Variants in ARPP21 observed in about 807,000 individuals in gnomAD.
ARPP21 encodes the protein cAMP-regulated phosphoprotein 21.
A neutral mutation model predicts 113.2 loss-of-function variants in ARPP21; 69 were observed. The ratio of observed to expected loss-of-function variants is 0.61; its 90% CI spans 0.50 to 0.74. ARPP21 has a LOEUF of 0.74. Among genes scored for constraint, ARPP21 ranks in the 30% least tolerant of loss-of-function variants. ARPP21 has a pLI of 0.00. For synonymous variants in ARPP21, 368 were observed against 375.5 expected (o/e 0.98, Z 0.23); for missense variants, 1,070 against 1,037.4 (o/e 1.03, Z -0.43).
chr3:35,701,012 G>A (rs2086160679), intron 9 of ARPP21, among the ~76,000 whole-genome samples: 1 of 151,604 alleles, frequency 6.6e-6, no homozygotes, highest in Non-Finnish European at 1.5e-5. Flanking sequence ...GTACCCTAGA[G>A]TTTTTGAAAA....
chr3:35,748,412 GAGAA>G (rs1401788114), intron 19 of ARPP21, among the ~76,000 whole-genome samples: 3 of 140,702 alleles, frequency 2.1e-5, no homozygotes, highest in South Asian at 2.3e-4. Context: ...AGAAAGGAGA[GAGAA>G]AGAAAAGAGA....
Position 35,667,885 on chromosome 3 carries a change from A to AGAAGAAGAAGAAGAGGAAGAG in ARPP21, c.-212-11897_-212-11896insAGAAGAAGAGGAAGAGGAAGA, listed in dbSNP as rs777434867. 7.0e-4 allele frequency among the ~76,000 whole-genome samples: 68 copies of AGAAGAAGAAGAAGAGGAAGAG among 97,692 alleles called. 6 individuals are homozygous for AGAAGAAGAAGAAGAGGAAGAG. The highest frequency in any genetic ancestry group is 5.0e-3 in the Admixed American group (46 of 9,222). 64.1% of individuals were successfully genotyped at this position (97,692 alleles called of 152,430 possible). ...AAGAAGAAGAAGAAGAAGAAGAAGA[A>AGAAGAAGAAGAAGAGGAAGAG]GAAGAGGAAGAGGAAGAGGAAGAGG... is the stretch of plus-strand genomic sequence containing the variant. On this transcript the variant is annotated intron_variant, in intron 1 of 20. Coordinates refer to ENST00000684406, the MANE Select transcript of ARPP21 (RefSeq NM_001385562.1).
chr3:35,748,722 A>G (rs1376070852), intron 19 of ARPP21, among the ~76,000 whole-genome samples: 1 of 152,186 alleles, frequency 6.6e-6, no homozygotes, highest in Non-Finnish European at 1.5e-5. Flanking sequence ...GTTAGCTCTC[A>G]TGCCATTTTT....
intron 12 of ARPP21, 123 bp downstream of exon 12, chr3:35,715,599 A>G: frequency 2.7e-6 from 2 of 739,312 alleles, no homozygotes; most frequent in Non-Finnish European, 4.6e-6. Flanking sequence ...GCAGATACAT[A>G]TATCTATGCG....
At chr3:35,751,891 A>G (rs975037457) in intron 19 of ARPP21, among the ~76,000 whole-genome samples, 1 of 152,102 alleles carries the variant, frequency 6.6e-6, no homozygotes, top group African/African-American at 2.4e-5. Context: ...AAACCATCTA[A>G]TACCTGCAAG....
intron 5 of ARPP21, among the ~76,000 whole-genome samples, chr3:35,686,631 TTTAA>T (rs1248829274): frequency 2.0e-5 from 3 of 151,658 alleles, no homozygotes; most frequent in African/African-American, 7.3e-5. Context: ...TGAGCATTAG[TTTAA>T]TTTTCAGTGA....
chr3:35,654,489 T>C (rs1157305539), intron 1 of ARPP21, among the ~76,000 whole-genome samples: 1 of 152,114 alleles, frequency 6.6e-6, no homozygotes, highest in Non-Finnish European at 1.5e-5. Context: ...CATGAAATTA[T>C]CCTTTCTAAC....
At chr3:35,715,502 T>A (rs777886599) in intron 12 of ARPP21, 26 bp downstream of exon 12, 1 of 1,587,246 alleles carries the variant, frequency 6.3e-7, no homozygotes, top group Non-Finnish European at 8.7e-7. Context: ...CTTTTCCATG[T>A]CTTTAGAGGA....
At chr3:35,732,840 T>C (rs2094082418) in intron 15 of ARPP21, among the ~76,000 whole-genome samples, 1 of 152,214 alleles carries the variant, frequency 6.6e-6, no homozygotes, top group South Asian at 2.1e-4. Context: ...TTTTTATTTT[T>C]ATCAGGACTT....
At chr3:35,708,211 G>T (rs1435314751) in intron 10 of ARPP21, among the ~76,000 whole-genome samples, 2 of 152,114 alleles carry the variant, frequency 1.3e-5, no homozygotes, top group Non-Finnish European at 2.9e-5. Flanking sequence ...TGTGGTTAGT[G>T]CAGAGCAGTT....
intron 5 of ARPP21, chr3:35,684,971 G>A: frequency 1.0e-6 from 1 of 981,844 alleles, no homozygotes; most frequent in Non-Finnish European, 1.2e-6. Flanking sequence ...TTTTAATGGA[G>A]ATTGAAAAGG....
chr3:35,732,474 A>G (rs935627663), intron 15 of ARPP21, among the ~76,000 whole-genome samples: 2 of 152,142 alleles, frequency 1.3e-5, no homozygotes, highest in African/African-American at 4.8e-5. Context: ...CTGTTTTTCA[A>G]AGTTGTCCCT....
intron 19 of ARPP21, among the ~76,000 whole-genome samples, chr3:35,750,196 A>G (rs2095354598): frequency 6.6e-6 from 1 of 150,462 alleles, no homozygotes. Context: ...TTTAATGTAA[A>G]TATTTAATGC....
chr3:35,746,943 G>T (rs2095094038), intron 19 of ARPP21, among the ~76,000 whole-genome samples: 1 of 152,192 alleles, frequency 6.6e-6, no homozygotes, highest in Non-Finnish European at 1.5e-5. Flanking sequence ...ACAGTAGGGA[G>T]ACATAAGTTC....
intron 1 of ARPP21, among the ~76,000 whole-genome samples, chr3:35,657,052 A>G (rs1256216421): frequency 6.6e-6 from 1 of 152,220 alleles, no homozygotes; most frequent in East Asian, 1.9e-4. Context: ...TCTGACTGAC[A>G]TAGTCCTTAA....
intron 2 of ARPP21, chr3:35,680,719 TCTC>T (rs1201886718): frequency 6.6e-6 from 1 of 150,938 alleles, no homozygotes; most frequent in Non-Finnish European, 1.5e-5. Flanking sequence ...TGCTTCTCCT[TCTC>T]CTTCTTCTTT....
intron 9 of ARPP21, among the ~76,000 whole-genome samples, chr3:35,702,680 G>C (rs549263968): frequency 7.8e-4 from 118 of 151,824 alleles, no homozygotes; most frequent in Non-Finnish European, 4.9e-4. Context: ...ACAAGAGTTT[G>C]AGAGATGCTA....
At chr3:35,736,656 A>G (rs2094370535) in intron 15 of ARPP21, among the ~76,000 whole-genome samples, 1 of 152,226 alleles carries the variant, frequency 6.6e-6, no homozygotes, top group South Asian at 2.1e-4. Context: ...GTGAATGGAT[A>G]TGTTATGTTC....
chr3:35,713,189 T>C (rs2091686228), intron 11 of ARPP21, among the ~76,000 whole-genome samples: 1 of 152,176 alleles, frequency 6.6e-6, no homozygotes, highest in South Asian at 2.1e-4. Context: ...ATGTTGCACT[T>C]AATTACTGTG....
Sources: gnomAD v4.1 joint callset for allele counts (sites outside exome capture counted in the v4.1 genomes callset) on GRCh38, gnomAD v4.1.1 for gene constraint, MANE v1.5 for transcripts, NCBI Gene and HGNC (gene_info 2026-07-23, HGNC 2026-07-21) for gene names.